The following MCM7 variants were observed in gnomAD, a reference collection of about 807,000 sequenced individuals.
MCM7 encodes minichromosome maintenance complex component 7, also known as DNA replication licensing factor MCM7.
A neutral mutation model predicts 83.5 loss-of-function variants in MCM7; 95 were observed. The observed-to-expected ratio is 1.14, with a 90% confidence interval of 0.96 to 1.35. The LOEUF is 1.35. Ranked by LOEUF, MCM7 falls within the 40% of genes most tolerant of loss-of-function variation. MCM7 has a pLI of 0.00. For missense variants in MCM7, 1,087 were observed against 957.4 expected (o/e 1.14, Z -1.79); for synonymous variants, 461 against 352.7 (o/e 1.31, Z -3.44).
rs139468339 is a variant in MCM7 at position 100,093,004 on chromosome 7, C to A, written c.2088G>T (p.Ala696=). The A allele has an allele frequency of 6.2e-7, 1 of 1,614,186 alleles. No homozygotes were observed. The highest frequency in any genetic ancestry group is 8.5e-7 in the Non-Finnish European group (1 of 1,180,032). ...SRGFTPAQFQ[A]ALDEYEELNV... The stretch of plus-strand genomic sequence containing the variant: ...TGAGCTCCTCATATTCATCCAGAGC[C>A]GCCTGGAACTGGGCGGGTGTGAAGC... Residue 696 remains alanine, a synonymous_variant, in exon 15 of 15, where the codon GCG becomes GCT. Transcript: ENST00000303887.
At chr7:100,100,922 A>C in intron 1 of MCM7, 2 of 1,041,068 alleles carry the variant, frequency 1.9e-6, no homozygotes, top group Non-Finnish European at 1.2e-6. Context: ...GCGCGAAGGA[A>C]AGCGGGCACG....
rs921156947 is a variant in MCM7, at chr7:100,099,530, C to G, written c.276+59G>C. The G allele has an allele frequency of 5.0e-6, 8 of 1,598,412 alleles. No individual in the cohort carries two copies. The African/African-American group carries it at 1.1e-4, about 22-fold the overall frequency. On this transcript the variant is annotated intron_variant, in intron 3 of 14. Transcript: ENST00000303887. ...CAGAAAACATCAGTATCTGAGCAGCCTCTCTACAGAAGCTTAAACGCCTCG... is the reference window on the plus strand; with the variant it reads ...CAGAAAACATCAGTATCTGAGCAGCGTCTCTACAGAAGCTTAAACGCCTCG...
chr7:100,093,737 C>G, intron 13 of MCM7: 1 of 634,572 alleles, frequency 1.6e-6, no homozygotes, highest in South Asian at 1.4e-5. Context: ...GGGAGCTCAG[C>G]CAAGAAGACA....
In MCM7 at chr7:100,097,341, CTT is replaced by C. The variant is rs750903229; in HGVS notation, c.1159_1160del (p.Lys387ValfsTer8). On this transcript the variant is annotated frameshift_variant, in exon 10 of 15. Coordinates refer to ENST00000303887, the MANE Select transcript of MCM7 (RefSeq NM_005916.5). LOFTEE classifies it high-confidence loss of function. ...GATCAATGTATGACAGGAGCTGAGA[CTT>C]GGCCACACCAGGATCCCCCATCAGA... is the stretch of plus-strand genomic sequence containing the variant. ...ICLMGDPGVA[K>X]SQLLSYIDRL... The C allele has an allele frequency of 8.1e-6, 13 of 1,614,076 alleles. No homozygotes were observed. Among genetic ancestry groups the C allele is most frequent in the Non-Finnish European group, 1.0e-5 (12 of 1,180,046 alleles).
intron 1 of MCM7, chr7:100,100,744 G>A (rs949996283): frequency 2.0e-6 from 2 of 991,328 alleles, no homozygotes; most frequent in Non-Finnish European, 2.4e-6. Context: ...GAAGGACACT[G>A]TTTACACGAC....
rs1795853638 is a variant in MCM7, at chr7:100,099,808, G to C, written c.112-55C>G. On this transcript the variant is annotated intron_variant, in intron 2 of 14. Coordinates refer to ENST00000303887, the MANE Select transcript of MCM7 (RefSeq NM_005916.5). Reference sequence around the variant, plus strand: ...AGAGCCACATTCACTTTGCTCACCAGTGTTCATATGTGAAAATGCATCACT... The same window carrying C: ...AGAGCCACATTCACTTTGCTCACCACTGTTCATATGTGAAAATGCATCACT... 7 of 1,596,390 alleles carry C rather than the reference G, an allele frequency of 4.4e-6. No homozygotes were observed. In the South Asian group the frequency reaches 6.7e-5, roughly 15 times the overall value.
Position 100,100,049 on chromosome 7 carries a change from G to A in MCM7, c.76C>T (p.Leu26Phe). The A allele has an allele frequency of 1.2e-6, 2 of 1,614,076 alleles. No individual in the cohort carries two copies. The highest frequency in any genetic ancestry group is 1.7e-5 in the Admixed American group (1 of 60,020). The change falls in exon 2 of 15, where the codon CTC becomes TTC. Residue 26 changes from leucine to phenylalanine, a missense_variant. Physicochemically the swap from Leu to Phe is conservative, Grantham distance 22. Transcript: ENST00000303887. ...FLQEFYQDDE[L>F]GKKQFKYGNQ... ...CCATACTTGAACTGCTTCTTCCCGA[G>A]TTCATCATCCTGGTAGAACTCTTGT...
rs981715303 is a variant in MCM7, at chr7:100,096,278, C to T, written c.1202-111G>A. 33 of 1,082,436 alleles carry T rather than the reference C, an allele frequency of 3.0e-5. No homozygotes were observed. The South Asian group carries it at 5.7e-4, about 19-fold the overall frequency. 67.1% of individuals were successfully genotyped at this position (1,082,436 alleles called of 1,614,324 possible). On this transcript the variant is annotated intron_variant, in intron 10 of 14. Coordinates refer to ENST00000303887, the MANE Select transcript of MCM7 (RefSeq NM_005916.5). ...GGCCTGCGCTGGGATCATTCCACTC[C>T]CTCCACCAGGCCTTCTTGAGATGCC...
At chr7:100,099,811 T>C (rs1434029827) in intron 2 of MCM7, 58 bp from the exon 3 acceptor site, 19 of 1,596,862 alleles carry the variant, frequency 1.2e-5, no homozygotes, top group African/African-American at 1.3e-5. Context: ...CTCACCAGTG[T>C]TCATATGTGA....
intron 10 of MCM7, among the ~76,000 whole-genome samples, chr7:100,096,692 T>C (rs1027432001): frequency 6.8e-6 from 1 of 146,740 alleles, no homozygotes; most frequent in Non-Finnish European, 1.5e-5. Flanking sequence ...GGAGAATTGC[T>C]TGAACCTGGG....
Position 100,092,968 on chromosome 7 carries a change from C to G in MCM7, c.2124G>C (p.Gln708His), listed in dbSNP as rs375140364. The G allele has an allele frequency of 1.2e-6, 2 of 1,614,128 alleles. No homozygotes were observed. The highest frequency in any genetic ancestry group is 1.3e-5 in the African/African-American group (1 of 74,948). Residue 708 changes from glutamine to histidine, a missense_variant, in exon 15 of 15, where the codon CAG becomes CAC. By Grantham distance (24) the Gln-to-His change is conservative. Transcript: ENST00000303887. ...TGATCCGTGTCCGGGAAGCATTGAC[C>G]TGCCAGACATTGAGCTCCTCATATT... ...LDEYEELNVW[Q>H]VNASRTRITF...
At position 100,098,143 on chromosome 7, in the gene MCM7, G is replaced by C. The variant is rs372545391; in HGVS notation, c.868C>G (p.Gln290Glu). Residue 290 changes from glutamine to glutamate, a missense_variant and splice_region_variant, in exon 7 of 15, where the codon CAG (glutamine) becomes GAG (glutamate). Transcript: ENST00000303887. Reference protein sequence around the residue: ...ILRTGFRQVVQGLLSETYLEA... With the variant: ...ILRTGFRQVVEGLLSETYLEA... ...CCTCATGTCAAACTCTTCCTTACCT[G>C]TACCACCTGTCGGAACCCAGTGCGC... 9.3e-6 allele frequency: 15 copies of C among 1,613,880 alleles called. No individual in the cohort carries two copies. Among genetic ancestry groups the C allele is most frequent in the African/African-American group, 2.7e-5 (2 of 74,906 alleles).
In MCM7 at chr7:100,097,814, C is replaced by G; in HGVS notation, c.985+20G>C. 1.9e-6 allele frequency: 3 copies of G among 1,614,076 alleles called. No individual in the cohort carries two copies. The highest frequency in any genetic ancestry group is 2.5e-6 in the Non-Finnish European group (3 of 1,179,950). On this transcript the variant is annotated intron_variant, in intron 8 of 14. Transcript: ENST00000303887. ...AGCTAGGATGTAAACGGAATTTCCT[C>G]TCTCTCCCCTGCCCCTCACCTGCAA...
At position 100,099,204 on chromosome 7, in the gene MCM7, C is replaced by T. The variant is rs1795803730; in HGVS notation, c.402-1G>A. ...GCTAGGGCCTTGAAAATACAGCTCA[C>T]TAAGGGGAGAAAACAGTCACAAACA... On this transcript the variant is annotated splice_acceptor_variant, in intron 4 of 14. Coordinates refer to ENST00000303887, the MANE Select transcript of MCM7 (RefSeq NM_005916.5). LOFTEE classifies it high-confidence loss of function. The T allele has an allele frequency of 6.2e-7, 1 of 1,614,060 alleles. No individual in the cohort carries two copies. The highest frequency in any genetic ancestry group is 8.5e-7 in the Non-Finnish European group (1 of 1,180,000).
At position 100,097,391 on chromosome 7, in the gene MCM7, G is replaced by A. The variant is rs759964204; in HGVS notation, c.1118-7C>T. ...AGACAGATGTTGATGTTGCCTGGAG[G>A]AAGGGAAGGCAGCCCTGGAATGACT... On this transcript the variant is annotated splice_region_variant and splice_polypyrimidine_tract_variant and intron_variant, in intron 9 of 14. Transcript: ENST00000303887. The A allele has an allele frequency of 3.7e-6, 6 of 1,613,856 alleles. No homozygotes were observed. The highest frequency in any genetic ancestry group is 1.1e-5 in the South Asian group (1 of 91,080).
chr7:100,099,834 G>C, intron 2 of MCM7, 81 bp from the exon 3 acceptor site: 1 of 1,568,412 alleles, frequency 6.4e-7, no homozygotes, highest in South Asian at 1.2e-5. Flanking sequence ...ATGCATCACT[G>C]AGAACTCAGC....
rs1469703007 is a variant in MCM7, at chr7:100,099,681, A to C, written c.184T>G (p.Leu62Val). 6.2e-7 allele frequency: 1 copy of C among 1,614,060 alleles called. No individual in the cohort carries two copies. Among genetic ancestry groups the C allele is most frequent in the African/African-American group, 1.3e-5 (1 of 74,982 alleles). The change falls in exon 3 of 15, where the codon TTG (leucine) becomes GTG (valine). Residue 62 changes from leucine (L) to valine (V), a missense_variant. Coordinates refer to ENST00000303887, the MANE Select transcript of MCM7 (RefSeq NM_005916.5). ...LDDVAEDDPELVDSICENARR... is the reference protein window; with the variant it reads ...LDDVAEDDPEVVDSICENARR... ...GCATTCTCACAAATTGAGTCCACCA[A>C]CTCGGGGTCATCCTCGGCTACGTCG...
intron 5 of MCM7, 36 bp from the exon 6 acceptor site, chr7:100,098,751 G>A: frequency 6.2e-7 from 1 of 1,611,630 alleles, no homozygotes. Flanking sequence ...AAGGAACTCA[G>A]AAGGAAAAGA....
rs1795724020 is a variant in MCM7, at chr7:100,097,827, C to G, written c.985+7G>C. The G allele has an allele frequency of 6.2e-7, 1 of 1,613,948 alleles. No homozygotes were observed. The highest frequency in any genetic ancestry group is 1.7e-5 in the Admixed American group (1 of 59,980). On this transcript the variant is annotated splice_region_variant and intron_variant, in intron 8 of 14. Transcript: ENST00000303887. ...ACGGAATTTCCTCTCTCTCCCCTGC[C>G]CCTCACCTGCAATTTGCCTCAGCTC... is the stretch of plus-strand genomic sequence containing the variant.
Sources: gnomAD v4.1 joint callset for allele counts (sites outside exome capture counted in the v4.1 genomes callset) on GRCh38, gnomAD v4.1.1 for gene constraint, MANE v1.5 for transcripts, NCBI Gene and HGNC (gene_info 2026-07-23, HGNC 2026-07-21) for gene names.